CCSER1: variants seen among roughly 807,000 people sequenced by gnomAD.
CCSER1 encodes serine-rich coiled-coil domain-containing protein 1.
CCSER1 carries 41 observed loss-of-function variants against 82.0 expected under a neutral mutation model. The ratio of observed to expected loss-of-function variants is 0.50; its 90% CI spans 0.39 to 0.65. The LOEUF (loss-of-function observed/expected upper bound fraction) is 0.65, where lower values mean the gene tolerates loss of function less well. Among genes scored for constraint, CCSER1 ranks in the 30% least tolerant of loss-of-function variants. The pLI, the probability that CCSER1 is intolerant of heterozygous loss-of-function variation, is 0.00. For missense variants in CCSER1, 1,119 were observed against 1,064.2 expected (o/e 1.05, Z -0.72); for synonymous variants, 414 against 383.9 (o/e 1.08, Z -0.92).
At chr4:90,689,684 C>G (rs1405187184) in intron 6 of CCSER1, among the ~76,000 whole-genome samples, 1 of 151,986 alleles carries the variant, frequency 6.6e-6, no homozygotes, top group African/African-American at 2.4e-5. Context: ...TAAGTAAGTG[C>G]TCCCAGGAAG....
intron 8 of CCSER1, among the ~76,000 whole-genome samples, chr4:90,873,481 T>G (rs1766823056): frequency 6.6e-6 from 1 of 152,100 alleles, no homozygotes; most frequent in Non-Finnish European, 1.5e-5. Flanking sequence ...TTGTTCCACC[T>G]CCCCAGTTCT....
At chr4:90,561,240 C>T (rs1778726021) in intron 5 of CCSER1, among the ~76,000 whole-genome samples, 2 of 152,102 alleles carry the variant, frequency 1.3e-5, no homozygotes, top group African/African-American at 4.8e-5. Context: ...ATTTTTATTC[C>T]ACACAACTCT....
chr4:90,526,767 A>G (rs966367099), intron 5 of CCSER1, among the ~76,000 whole-genome samples: 2 of 152,148 alleles, frequency 1.3e-5, no homozygotes, highest in East Asian at 1.9e-4. Context: ...TATCCAGTCT[A>G]TCACTGATGG....
chr4:90,412,435 T>G (rs552985719), intron 4 of CCSER1, among the ~76,000 whole-genome samples: 57 of 151,304 alleles, frequency 3.8e-4, no homozygotes, highest in African/African-American at 1.2e-3. Context: ...TTACACGTTG[T>G]GCATGTGTAC....
intron 9 of CCSER1, among the ~76,000 whole-genome samples, chr4:90,943,976 G>C (rs1156560145): frequency 2.0e-5 from 3 of 151,386 alleles, no homozygotes; most frequent in Non-Finnish European, 4.4e-5. Flanking sequence ...GCTCACGCCT[G>C]TAATCCCAGC....
chr4:90,249,403 A>G (rs536330446), intron 1 of CCSER1, among the ~76,000 whole-genome samples: 1 of 152,300 alleles, frequency 6.6e-6, no homozygotes, highest in African/African-American at 2.4e-5. Context: ...ATTTTTTAGT[A>G]TATTCACAGA....
chr4:90,764,410 C>T (rs1445050468), intron 7 of CCSER1, among the ~76,000 whole-genome samples: 4 of 152,046 alleles, frequency 2.6e-5, no homozygotes, highest in African/African-American at 4.8e-5. Context: ...ATATAAACAT[C>T]GTCTTCAATA....
intron 1 of CCSER1, among the ~76,000 whole-genome samples, chr4:90,212,738 A>G (rs1203506229): frequency 6.6e-6 from 1 of 152,184 alleles, no homozygotes; most frequent in African/African-American, 2.4e-5. Context: ...AGATGAGGAG[A>G]AATAGGAGTG....
At chr4:90,283,474 G>A (rs561412486) in intron 1 of CCSER1, among the ~76,000 whole-genome samples, 24 of 151,932 alleles carry the variant, frequency 1.6e-4, no homozygotes, top group Non-Finnish European at 2.8e-4. Context: ...AGGATAATTA[G>A]GATATCCATA....
intron 1 of CCSER1, among the ~76,000 whole-genome samples, chr4:90,258,766 T>C (rs1578798125): frequency 6.6e-6 from 1 of 152,140 alleles, no homozygotes; most frequent in East Asian, 1.9e-4. Context: ...GGATGAGTTC[T>C]TTAGTGGTGA....
rs1331966393 is a variant in CCSER1 at position 91,087,843 on chromosome 4, C to T, written c.2217+1849C>T. Among the ~76,000 whole-genome samples, 8 of 152,122 alleles carry T rather than the reference C, an allele frequency of 5.3e-5. No individual in the cohort carries two copies. In the East Asian group the frequency reaches 1.5e-3, roughly 29 times the overall value. ...TTAAGCATATTTCTATTCAATGTAA[C>T]TACTTACCTTAACTTTCCCTGTGAC... On this transcript the variant is annotated intron_variant, in intron 10 of 10. Transcript: ENST00000509176.
chr4:90,977,915 C>A (rs1489657459), intron 9 of CCSER1, among the ~76,000 whole-genome samples: 1 of 151,450 alleles, frequency 6.6e-6, no homozygotes, highest in Non-Finnish European at 1.5e-5. Context: ...TTCTCAATTC[C>A]TTTTCAATGC....
chr4:90,857,305 C>A (rs995932329), intron 8 of CCSER1, among the ~76,000 whole-genome samples: 2 of 152,144 alleles, frequency 1.3e-5, no homozygotes, highest in East Asian at 3.9e-4. Flanking sequence ...GATTTAGTTT[C>A]TTGCTGGTTA....
At chr4:91,353,320 G>T (rs1748604625) in intron 10 of CCSER1, among the ~76,000 whole-genome samples, 1 of 152,174 alleles carries the variant, frequency 6.6e-6, no homozygotes, top group South Asian at 2.1e-4. Flanking sequence ...AGGGGTCCGT[G>T]ACGGGCTGCA....
At chr4:90,290,058 A>G (rs1257429972) in intron 1 of CCSER1, among the ~76,000 whole-genome samples, 1 of 151,888 alleles carries the variant, frequency 6.6e-6, no homozygotes, top group East Asian at 1.9e-4. Flanking sequence ...ATATATTTAT[A>G]TAATCAAATC....
At chr4:91,085,860 A>G (rs1226936415) in intron 9 of CCSER1, 90 bp from the exon 10 acceptor site, 1 of 772,874 alleles carries the variant, frequency 1.3e-6, no homozygotes, top group African/African-American at 1.8e-5. Flanking sequence ...TAAGTGAATT[A>G]TTTCCTTTAT....
intron 10 of CCSER1, among the ~76,000 whole-genome samples, chr4:91,099,267 T>G (rs1292556142): frequency 6.6e-6 from 1 of 152,156 alleles, no homozygotes; most frequent in Non-Finnish European, 1.5e-5. Flanking sequence ...GACAATTTTT[T>G]GGGAAATATA....
intron 1 of CCSER1, among the ~76,000 whole-genome samples, chr4:90,146,080 A>G (rs768031899): frequency 3.9e-5 from 6 of 152,094 alleles, no homozygotes; most frequent in Non-Finnish European, 5.9e-5. Context: ...TTAAGTGGGA[A>G]AAATGTTTCA....
chr4:91,152,294 A>C (rs1730298195), intron 10 of CCSER1, among the ~76,000 whole-genome samples: 1 of 152,144 alleles, frequency 6.6e-6, no homozygotes, highest in Non-Finnish European at 1.5e-5. Flanking sequence ...CTAGGATTGC[A>C]ACCCCTGCTC....
Sources: gnomAD v4.1 joint callset for allele counts (sites outside exome capture counted in the v4.1 genomes callset) on GRCh38, gnomAD v4.1.1 for gene constraint, MANE v1.5 for transcripts, NCBI Gene and HGNC (gene_info 2026-07-23, HGNC 2026-07-21) for gene names.